Variants in ARHGAP25 observed in about 807,000 individuals in gnomAD.
The protein encoded by ARHGAP25 is rho GTPase-activating protein 25.
Under a neutral mutation model 71.0 loss-of-function variants are expected in ARHGAP25, and 34 were observed. The ratio of observed to expected loss-of-function variants is 0.48; its 90% CI spans 0.36 to 0.64. The LOEUF is 0.64. Among genes scored for constraint, ARHGAP25 ranks in the 30% least tolerant of loss-of-function variants. The probability of loss-of-function intolerance (pLI) is 0.00; values close to 1 mark genes in which losing one functional copy is unlikely to be tolerated. For missense variants in ARHGAP25, 706 were observed against 805.1 expected (o/e 0.88, Z 1.49); for synonymous variants, 282 against 296.5 (o/e 0.95, Z 0.50).
At chr2:68,796,498 G>A (rs1371907503) in intron 4 of ARHGAP25, among the ~76,000 whole-genome samples, 3 of 152,178 alleles carry the variant, frequency 2.0e-5, no homozygotes, top group Non-Finnish European at 4.4e-5. Context: ...ATTATGGGGT[G>A]GGGACATTTT....
chr2:68,776,006 A>G (rs1180623141), intron 2 of ARHGAP25, among the ~76,000 whole-genome samples: 1 of 152,252 alleles, frequency 6.6e-6, no homozygotes, highest in Non-Finnish European at 1.5e-5. Context: ...ATGTAATTTT[A>G]AAAAGGATGG....
At chr2:68,748,154 C>G (rs1466727982) in intron 1 of ARHGAP25, among the ~76,000 whole-genome samples, 1 of 152,170 alleles carries the variant, frequency 6.6e-6, no homozygotes, top group African/African-American at 2.4e-5. Flanking sequence ...CACACTGTGT[C>G]CCAGCCACAC....
chr2:68,795,588 G>A (rs1454494688), intron 4 of ARHGAP25, among the ~76,000 whole-genome samples: 1 of 151,996 alleles, frequency 6.6e-6, no homozygotes, highest in East Asian at 1.9e-4. Flanking sequence ...GTTCCTCTTG[G>A]TATTGATTTC....
intron 4 of ARHGAP25, among the ~76,000 whole-genome samples, chr2:68,796,615 C>T (rs1034259669): frequency 2.0e-5 from 3 of 152,148 alleles, no homozygotes; most frequent in African/African-American, 7.2e-5. Flanking sequence ...CATAAATAGC[C>T]TTAGTGGTAT....
Position 68,819,335 on chromosome 2 carries a change from C to G in ARHGAP25, c.1200+16C>G, listed in dbSNP as rs763359758. On this transcript the variant is annotated intron_variant, in intron 9 of 10. Transcript: ENST00000409202. ...CAGTAGCATGGTAAGGTGCAGAGAA[C>G]CTTCCTGCTTCCATTGGGTTCTTCC... 2 of 1,613,272 alleles carry G rather than the reference C, an allele frequency of 1.2e-6. No individual in the cohort carries two copies. The highest frequency in any genetic ancestry group is 1.7e-6 in the Non-Finnish European group (2 of 1,179,212).
At chr2:68,820,228 C>T (rs1171173475) in intron 9 of ARHGAP25, among the ~76,000 whole-genome samples, 1 of 152,222 alleles carries the variant, frequency 6.6e-6, no homozygotes, top group Non-Finnish European at 1.5e-5. Flanking sequence ...TTATTTTACT[C>T]ATTTAATAGG....
intron 2 of ARHGAP25, among the ~76,000 whole-genome samples, chr2:68,715,053 G>C (rs1204503538): frequency 1.3e-5 from 2 of 152,148 alleles, no homozygotes; most frequent in African/African-American, 4.8e-5. Context: ...GGCATGACTA[G>C]CCCTGAGCAT....
chr2:68,739,031 G>A (rs555133310), intron 1 of ARHGAP25, among the ~76,000 whole-genome samples: 1 of 152,252 alleles, frequency 6.6e-6, no homozygotes, highest in African/African-American at 2.4e-5. Flanking sequence ...CATGCTTCCT[G>A]TTGCCCAGGC....
At chr2:68,812,246 C>G (rs11897748) in intron 5 of ARHGAP25, among the ~76,000 whole-genome samples, 1 of 152,066 alleles carries the variant, frequency 6.6e-6, no homozygotes, top group South Asian at 2.1e-4. Flanking sequence ...TTTTACATCA[C>G]GACACACTCT....
intron 1 of ARHGAP25, among the ~76,000 whole-genome samples, chr2:68,753,459 G>T (rs545098108): frequency 6.6e-6 from 1 of 152,280 alleles, no homozygotes; most frequent in Non-Finnish European, 1.5e-5. Context: ...TTTCTTATTT[G>T]TTTGGGTCAT....
intron 1 of ARHGAP25, among the ~76,000 whole-genome samples, chr2:68,772,566 C>A (rs1677556964): frequency 1.3e-5 from 2 of 152,212 alleles, no homozygotes; most frequent in African/African-American, 4.8e-5. Context: ...TGTAAACTAT[C>A]TTTTTCATTT....
At chr2:68,717,806 C>T (rs1295204933) in intron 2 of ARHGAP25, among the ~76,000 whole-genome samples, 1 of 152,056 alleles carries the variant, frequency 6.6e-6, no homozygotes, top group African/African-American at 2.4e-5. Flanking sequence ...TATGAGTCCC[C>T]CTTCCACTTA....
At chr2:68,816,143 TA>T in intron 6 of ARHGAP25, 145 bp from the exon 7 acceptor site, 2 of 665,378 alleles carry the variant, frequency 3.0e-6, no homozygotes, top group Non-Finnish European at 2.6e-6. Flanking sequence ...TTTTTTTTTT[TA>T]AACCCACAGA....
intron 2 of ARHGAP25, among the ~76,000 whole-genome samples, chr2:68,781,946 GA>G (rs1678369809): frequency 6.6e-6 from 1 of 152,174 alleles, no homozygotes; most frequent in Non-Finnish European, 1.5e-5. Flanking sequence ...TGGGTCCTTG[GA>G]AAAGTGGGAA....
At chr2:68,718,124 A>T (rs1361815185) in intron 2 of ARHGAP25, among the ~76,000 whole-genome samples, 1 of 151,474 alleles carries the variant, frequency 6.6e-6, no homozygotes, top group Non-Finnish European at 1.5e-5. Context: ...AGAATTGGGA[A>T]CTTAGTTAAG....
In ARHGAP25 at chr2:68,813,065, T is replaced by C. The variant is rs191970992; in HGVS notation, c.675-222T>C. Among the ~76,000 whole-genome samples, 33 of 152,304 alleles carry C rather than the reference T, an allele frequency of 2.2e-4. 1 individual carries two copies. In the East Asian group the frequency reaches 6.0e-3, roughly 28 times the overall value. ...GACCTTGAACTTACCTTTGAGGTAG[T>C]TGGGTGGAAGAGACAGAGGAACATT... is the stretch of plus-strand genomic sequence containing the variant. On this transcript the variant is annotated intron_variant, in intron 5 of 10. Coordinates refer to ENST00000409202, the MANE Select transcript of ARHGAP25 (RefSeq NM_001007231.3).
chr2:68,757,196 C>A (rs1481602718), intron 1 of ARHGAP25, among the ~76,000 whole-genome samples: 1 of 152,026 alleles, frequency 6.6e-6, no homozygotes, highest in Non-Finnish European at 1.5e-5. Flanking sequence ...AGTGGACCAG[C>A]TTACTCATTG....
intron 1 of ARHGAP25, among the ~76,000 whole-genome samples, chr2:68,756,120 C>G (rs556056354): frequency 1.3e-5 from 2 of 152,180 alleles, no homozygotes; most frequent in Non-Finnish European, 2.9e-5. Flanking sequence ...CAGAAGGAGG[C>G]TTGGACAGTG....
intron 1 of ARHGAP25, among the ~76,000 whole-genome samples, chr2:68,736,069 ATGAGATAAC>A (rs1365021563): frequency 6.6e-6 from 1 of 152,242 alleles, no homozygotes; most frequent in Non-Finnish European, 1.5e-5. Flanking sequence ...TCACCCATAC[ATGAGATAAC>A]TTCCTTGATA....
Sources: allele counts gnomAD v4.1 joint callset (sites outside exome capture counted in the v4.1 genomes callset), GRCh38; gene constraint gnomAD v4.1.1; transcripts MANE v1.5; gene names NCBI Gene and HGNC (gene_info 2026-07-23, HGNC 2026-07-21).